The following GLO1 variants were observed in gnomAD, a reference collection of about 807,000 sequenced individuals.
GLO1 encodes lactoylglutathione lyase.
GLO1 carries 28 observed loss-of-function variants against 26.0 expected under a neutral mutation model. The ratio of observed to expected loss-of-function variants is 1.08; its 90% CI spans 0.80 to 1.48. The LOEUF is 1.48. GLO1 is among the 40% of genes most tolerant of loss of function. The pLI is 0.00. For missense variants in GLO1, 225 were observed against 224.8 expected (o/e 1.00, Z -0.01); for synonymous variants, 78 against 77.6 (o/e 1.00, Z -0.03).
At chr6:38,693,742 G>A (rs1332485641) in intron 1 of GLO1, among the ~76,000 whole-genome samples, 6 of 142,120 alleles carry the variant, frequency 4.2e-5, no homozygotes, top group Non-Finnish European at 9.1e-5. Context: ...ACAGAGTCTA[G>A]CTCTGTCACC....
intron 5 of GLO1, among the ~76,000 whole-genome samples, chr6:38,677,975 T>C (rs914693326): frequency 2.6e-5 from 4 of 152,242 alleles, no homozygotes; most frequent in South Asian, 2.1e-4. Context: ...GTTACAGAAA[T>C]TGTCTTATTT....
chr6:38,686,743 G>A (rs938011781), intron 2 of GLO1, 149 bp downstream of exon 2: 2 of 566,818 alleles, frequency 3.5e-6, no homozygotes, highest in African/African-American at 3.9e-5. Context: ...TACGAGAGAA[G>A]CCCTGTCCAG....
Position 38,684,485 on chromosome 6 carries a change from A to G in GLO1, c.197T>C (p.Met66Thr). The G allele has an allele frequency of 6.4e-7, 1 of 1,557,852 alleles. No individual in the cohort carries two copies. The highest frequency in any genetic ancestry group is 1.2e-5 in the South Asian group (1 of 82,010). The change falls in exon 3 of 6, where the codon ATG becomes ACG. Residue 66 changes from methionine to threonine, a missense_variant. Physicochemically the swap from Met to Thr is moderately conservative, Grantham distance 81. Transcript: ENST00000373365. The stretch of plus-strand genomic sequence containing the variant: ...AGCCAAGAAGTAGAGTGAAAACTTC[A>G]TAATGGGAAAATCACATTTTTGGAT... ...TLIQKCDFPI[M>T]KFSLYFLAYE...
chr6:38,695,164 T>G (rs1761590702), intron 1 of GLO1, among the ~76,000 whole-genome samples: 3 of 152,182 alleles, frequency 2.0e-5, no homozygotes, highest in African/African-American at 7.2e-5. Flanking sequence ...TTTTTAATGT[T>G]TTCTGTCTTC....
In GLO1 at chr6:38,684,533, A is replaced by G. The variant is rs1396178270; in HGVS notation, c.168-19T>C. The G allele has an allele frequency of 1.4e-6, 2 of 1,457,206 alleles. No homozygotes were observed. The highest frequency in any genetic ancestry group is 1.8e-6 in the Non-Finnish European group (2 of 1,099,342). The allele number at this position is 1,457,206 out of a possible 1,614,324, so 90.3% of individuals were successfully genotyped here. A position where few individuals can be genotyped will look rare whatever the true frequency, so the allele number is the denominator to read the frequency against. On this transcript the variant is annotated intron_variant, in intron 2 of 5. Transcript: ENST00000373365. Reference sequence around the variant, plus strand: ...GATTAGCCTGCAATGAAAAAACAACAAGCCTGAATCATTAACAACAGGAAA... The same window carrying G: ...GATTAGCCTGCAATGAAAAAACAACGAGCCTGAATCATTAACAACAGGAAA...
Position 38,703,142 on chromosome 6 carries a change from G to T in GLO1, c.-88C>A. On this transcript the variant is annotated 5_prime_UTR_variant, in exon 1 of 6. Transcript: ENST00000373365. ...CTCGGCCCTGTGCCGCCTTAACTAG[G>T]AATGGCGCGATGGCGCCGCGGGCGG... The T allele has an allele frequency of 1.3e-6, 1 of 798,424 alleles. No homozygotes were observed. Among genetic ancestry groups the T allele is most frequent in the Non-Finnish European group, 2.0e-6 (1 of 493,112 alleles). The allele number at this position is 798,424 out of a possible 1,614,324, so 49.5% of individuals were successfully genotyped here. A position where few individuals can be genotyped will look rare whatever the true frequency, so the allele number is the denominator to read the frequency against.
At chr6:38,701,855 C>CAAAT (rs1582784410) in intron 1 of GLO1, among the ~76,000 whole-genome samples, 1 of 151,218 alleles carries the variant, frequency 6.6e-6, no homozygotes, top group East Asian at 1.9e-4. Flanking sequence ...ATGATGTAGT[C>CAAAT]AAATAAATAA....
In GLO1 at chr6:38,682,087, CA is replaced by C; in HGVS notation, c.390del (p.Ile130MetfsTer21). On this transcript the variant is annotated frameshift_variant, in exon 5 of 6. Coordinates refer to ENST00000373365, the MANE Select transcript of GLO1 (RefSeq NM_006708.3). LOFTEE classifies it high-confidence loss of function. ...SDPRGFGHIGIAVPDVYSACK... is the reference protein window; with the variant it reads ...SDPRGFGHIGXAVPDVYSACK... ...CAAGCACTGTATACATCAGGAACAG[CA>C]ATTCCAATATGACCTTACGTGATAC... The C allele has an allele frequency of 2.5e-6, 4 of 1,578,412 alleles. No homozygotes were observed. Among genetic ancestry groups the C allele is most frequent in the Non-Finnish European group, 3.5e-6 (4 of 1,147,368 alleles).
In GLO1 at chr6:38,676,995, A is replaced by G. The variant is rs1761258463; in HGVS notation, c.*300T>C. The G allele has an allele frequency of 1.2e-5, 3 of 257,146 alleles. No individual in the cohort carries two copies. The highest frequency in any genetic ancestry group is 2.2e-5 in the African/African-American group (1 of 44,754). 15.9% of individuals were successfully genotyped at this position (257,146 alleles called of 1,614,324 possible). A position where few individuals can be genotyped will look rare whatever the true frequency, so the allele number is the denominator to read the frequency against. On this transcript the variant is annotated 3_prime_UTR_variant, in exon 6 of 6. Coordinates refer to ENST00000373365, the MANE Select transcript of GLO1 (RefSeq NM_006708.3). ...TGATTCAAAGGCAGATTTGAAGGGAAGTAATATTTAGGTGGCAGAAGAAGG... is the reference window on the plus strand; with the variant it reads ...TGATTCAAAGGCAGATTTGAAGGGAGGTAATATTTAGGTGGCAGAAGAAGG...
rs1562483842 is a variant in GLO1 at position 38,684,526 on chromosome 6, AAAC to A, written c.168-15_168-13del. 1 of 1,481,576 alleles carries A rather than the reference AAAC, an allele frequency of 6.7e-7. No individual in the cohort carries two copies. The highest frequency in any genetic ancestry group is 1.4e-5 in the South Asian group (1 of 69,906). The allele number at this position is 1,481,576 out of a possible 1,614,324, so 91.8% of individuals were successfully genotyped here. A position where few individuals can be genotyped will look rare whatever the true frequency, so the allele number is the denominator to read the frequency against. On this transcript the variant is annotated splice_polypyrimidine_tract_variant and intron_variant, in intron 2 of 5. Transcript: ENST00000373365. ...ATTTTTGGATTAGCCTGCAATGAAAAAACAACAAGCCTGAATCATTAACAACAG... is the reference window on the plus strand; with the variant it reads ...ATTTTTGGATTAGCCTGCAATGAAAAAACAAGCCTGAATCATTAACAACAG...
chr6:38,698,798 C>A (rs1207393218), intron 1 of GLO1, among the ~76,000 whole-genome samples: 4 of 151,592 alleles, frequency 2.6e-5, no homozygotes, highest in African/African-American at 7.3e-5. Flanking sequence ...AATGAAGATG[C>A]AAATGATCAA....
chr6:38,680,328 C>A (rs536874214), intron 5 of GLO1, among the ~76,000 whole-genome samples: 16 of 152,106 alleles, frequency 1.1e-4, no homozygotes, highest in African/African-American at 3.9e-4. Flanking sequence ...TTGAGACCAG[C>A]CTGACCAACA....
chr6:38,680,446 A>G (rs886182176), intron 5 of GLO1, among the ~76,000 whole-genome samples: 31 of 152,314 alleles, frequency 2.0e-4, no homozygotes, highest in African/African-American at 7.2e-4. Context: ...ACTTGAACCC[A>G]GGAGGCAGAG....
chr6:38,692,079 GTC>G (rs1761539131), intron 1 of GLO1, among the ~76,000 whole-genome samples: 1 of 135,022 alleles, frequency 7.4e-6, no homozygotes, highest in African/African-American at 3.4e-5. Flanking sequence ...GAATAACCCT[GTC>G]TCTGTCTAAA....
chr6:38,698,338 C>T (rs1233891392), intron 1 of GLO1, among the ~76,000 whole-genome samples: 1 of 151,442 alleles, frequency 6.6e-6, no homozygotes, highest in Non-Finnish European at 1.5e-5. Context: ...GGCCATTGTC[C>T]TTCTTCCTTC....
chr6:38,687,002 C>A, intron 1 of GLO1, 28 bp from the exon 2 acceptor site: 1 of 1,550,140 alleles, frequency 6.5e-7, no homozygotes, highest in Non-Finnish European at 8.8e-7. Flanking sequence ...TATTAAACAT[C>A]TTTCACTTTT....
At chr6:38,700,685 CTCATCTTGT>C (rs1761684796) in intron 1 of GLO1, among the ~76,000 whole-genome samples, 1 of 152,086 alleles carries the variant, frequency 6.6e-6, no homozygotes, top group African/African-American at 2.4e-5. Flanking sequence ...GGGAGGGAAC[CTCATCTTGT>C]TTATCCCAGT....
At chr6:38,688,719 C>A (rs1009932183) in intron 1 of GLO1, among the ~76,000 whole-genome samples, 2 of 152,204 alleles carry the variant, frequency 1.3e-5, no homozygotes, top group Non-Finnish European at 2.9e-5. Context: ...GGAGGGAGCA[C>A]TGCAGTCCCT....
chr6:38,691,186 T>TG (rs1314857650), intron 1 of GLO1, among the ~76,000 whole-genome samples: 8 of 152,216 alleles, frequency 5.3e-5, no homozygotes, highest in Admixed American at 1.3e-4. Flanking sequence ...CAGGGATGGC[T>TG]ACTGGGTGAC....
Sources: gnomAD v4.1 joint callset for allele counts (sites outside exome capture counted in the v4.1 genomes callset) on GRCh38, gnomAD v4.1.1 for gene constraint, MANE v1.5 for transcripts, NCBI Gene and HGNC (gene_info 2026-07-23, HGNC 2026-07-21) for gene names.